ATP6V1C1: variants seen among roughly 807,000 people sequenced by gnomAD.
ATP6V1C1 encodes the protein ATPase H+ transporting V1 subunit C1.
A neutral mutation model predicts 53.9 loss-of-function variants in ATP6V1C1; 45 were observed. The observed-to-expected ratio is 0.83, with a 90% CI of 0.66 to 1.07. ATP6V1C1 has a LOEUF of 1.07. ATP6V1C1 is among the 50% of genes least tolerant of loss of function. The pLI is 0.00. For synonymous variants in ATP6V1C1, 153 were observed against 155.2 expected, an observed-to-expected ratio of 0.99 and a Z score of 0.11; for missense variants, 315 against 440.3, an observed-to-expected ratio of 0.72 and a Z score of 2.55.
chr8:103,042,871 T>G (rs1817026211), intron 3 of ATP6V1C1, among the ~76,000 whole-genome samples: 1 of 152,240 alleles, frequency 6.6e-6, no homozygotes, highest in African/African-American at 2.4e-5. Context: ...TGTGACTGTC[T>G]TCTTTTGCTT....
At chr8:103,044,163 C>T (rs1003953104) in intron 3 of ATP6V1C1, among the ~76,000 whole-genome samples, 3 of 152,200 alleles carry the variant, frequency 2.0e-5, no homozygotes, top group Admixed American at 6.5e-5. Flanking sequence ...GGATTACAGG[C>T]GTGAGCCACC....
At chr8:103,026,231 T>C (rs983530062) in intron 1 of ATP6V1C1, among the ~76,000 whole-genome samples, 6 of 152,256 alleles carry the variant, frequency 3.9e-5, no homozygotes, top group Non-Finnish European at 7.3e-5. Context: ...CATTGTATTA[T>C]GTATTACATC....
intron 10 of ATP6V1C1, among the ~76,000 whole-genome samples, chr8:103,063,696 G>A (rs754186722): frequency 5.3e-5 from 8 of 152,250 alleles, no homozygotes; most frequent in Admixed American, 2.0e-4. Flanking sequence ...AGCTATTGGA[G>A]AATTGGTGTG....
At chr8:103,039,007 A>C (rs530120502) in intron 1 of ATP6V1C1, among the ~76,000 whole-genome samples, 1 of 152,194 alleles carries the variant, frequency 6.6e-6, no homozygotes, top group Non-Finnish European at 1.5e-5. Flanking sequence ...GAGCTGATAA[A>C]GGTTTAACTT....
At chr8:103,029,661 T>A (rs1816760554) in intron 1 of ATP6V1C1, among the ~76,000 whole-genome samples, 1 of 152,240 alleles carries the variant, frequency 6.6e-6, no homozygotes, top group Admixed American at 6.5e-5. Context: ...GTAGTATATC[T>A]AAGATATATT....
At chr8:103,065,615 T>A (rs764608516) in intron 11 of ATP6V1C1, among the ~76,000 whole-genome samples, 5 of 152,106 alleles carry the variant, frequency 3.3e-5, no homozygotes, top group Non-Finnish European at 7.4e-5. Flanking sequence ...AAAACTTACA[T>A]GTAACCATGC....
chr8:103,067,585 T>A (rs976485482), intron 12 of ATP6V1C1, among the ~76,000 whole-genome samples: 1 of 150,942 alleles, frequency 6.6e-6, no homozygotes, highest in Non-Finnish European at 1.5e-5. Flanking sequence ...CTTGCTACAC[T>A]TTTTTTCTTT....
intron 8 of ATP6V1C1, among the ~76,000 whole-genome samples, chr8:103,062,161 GTTTTTTTTTTTTTTTTTTT>G (rs767825523): frequency 1.4e-5 from 1 of 70,744 alleles, no homozygotes; most frequent in African/African-American, 5.9e-5. Flanking sequence ...GTTCATCAGG[GTTTTTTTTTTTTTTTTTTT>G]TTTTTTTTTT....
At chr8:103,044,255 T>C (rs566298087) in intron 3 of ATP6V1C1, among the ~76,000 whole-genome samples, 2 of 152,368 alleles carry the variant, frequency 1.3e-5, no homozygotes, top group Admixed American at 1.3e-4. Flanking sequence ...AATTTATTTT[T>C]TTCTTTTGTT....
chr8:103,040,101 C>G (rs578117161), intron 1 of ATP6V1C1, among the ~76,000 whole-genome samples: 12 of 152,122 alleles, frequency 7.9e-5, no homozygotes, highest in African/African-American at 2.9e-4. Flanking sequence ...ATTCTTTCTC[C>G]AAGATAAAAG....
intron 12 of ATP6V1C1, among the ~76,000 whole-genome samples, chr8:103,067,385 A>C (rs1689990476): frequency 7.6e-6 from 1 of 131,866 alleles, no homozygotes; most frequent in Non-Finnish European, 1.6e-5. Flanking sequence ...TGACAGAGGG[A>C]GACTCCGTCC....
rs1271463857 is a variant in ATP6V1C1, at chr8:103,070,795, C to T, written c.*2048C>T. On this transcript the variant is annotated 3_prime_UTR_variant, in exon 13 of 13. Transcript: ENST00000518738. ...ATAGCAGAGTGGCTGAGCATGTGCT[C>T]TGAGGCCAGGCCCCAGCTCTGCTGC... is the stretch of plus-strand genomic sequence containing the variant. 1 of 152,210 alleles carries T rather than the reference C, an allele frequency of 6.6e-6. No homozygotes were observed. The highest frequency in any genetic ancestry group is 1.9e-4 in the East Asian group (1 of 5,192). 9.4% of individuals were successfully genotyped at this position (152,210 alleles called of 1,614,324 possible).
At chr8:103,023,749 G>A (rs1816640789) in intron 1 of ATP6V1C1, among the ~76,000 whole-genome samples, 1 of 152,202 alleles carries the variant, frequency 6.6e-6, no homozygotes, top group African/African-American at 2.4e-5. Context: ...AGAGAAACAC[G>A]TAAAGTGATT....
At chr8:103,030,910 A>G (rs1417607753) in intron 1 of ATP6V1C1, among the ~76,000 whole-genome samples, 2 of 152,326 alleles carry the variant, frequency 1.3e-5, no homozygotes, top group East Asian at 1.9e-4. Flanking sequence ...GGGACATTCA[A>G]TAGAATCCCC....
rs958196877 is a variant in ATP6V1C1 at position 103,053,741 on chromosome 8, T to A, written c.474-143T>A. 1.8e-5 allele frequency: 11 copies of A among 607,752 alleles called. No individual in the cohort carries two copies. In the African/African-American group the frequency reaches 2.0e-4, roughly 11 times the overall value. The allele number at this position is 607,752 out of a possible 1,614,324, so 37.6% of individuals were successfully genotyped here. A position where few individuals can be genotyped will look rare whatever the true frequency, so the allele number is the denominator to read the frequency against. ...AGGATATATTCAGCTAAATGGTGACTTCTTACAAAGTAAAAATGTTGACTA... is the reference window on the plus strand; with the variant it reads ...AGGATATATTCAGCTAAATGGTGACATCTTACAAAGTAAAAATGTTGACTA... On this transcript the variant is annotated intron_variant, in intron 6 of 12. Coordinates refer to ENST00000518738, the MANE Select transcript of ATP6V1C1 (RefSeq NM_001695.5).
chr8:103,023,136 G>A (rs934514923), intron 1 of ATP6V1C1, among the ~76,000 whole-genome samples: 1 of 152,174 alleles, frequency 6.6e-6, no homozygotes, highest in Non-Finnish European at 1.5e-5. Context: ...AAGCTTTTCA[G>A]CCTTTTTGAA....
intron 4 of ATP6V1C1, among the ~76,000 whole-genome samples, chr8:103,049,509 G>A (rs1239551476): frequency 6.6e-6 from 1 of 152,164 alleles, no homozygotes; most frequent in Non-Finnish European, 1.5e-5. Context: ...GCTCTATGTA[G>A]TAATGACTTT....
chr8:103,039,996 T>C (rs1357921123), intron 1 of ATP6V1C1, among the ~76,000 whole-genome samples: 1 of 152,166 alleles, frequency 6.6e-6, no homozygotes. Flanking sequence ...TGGATTAGAA[T>C]TAACCACCAA....
chr8:103,052,911 T>A, intron 6 of ATP6V1C1, 89 bp downstream of exon 6: 1 of 757,708 alleles, frequency 1.3e-6, no homozygotes, highest in South Asian at 2.5e-5. Context: ...TTAGTTAGTT[T>A]CAGTTTATGT....
Sources: allele counts gnomAD v4.1 joint callset (sites outside exome capture counted in the v4.1 genomes callset), GRCh38; gene constraint gnomAD v4.1.1; transcripts MANE v1.5; gene names NCBI Gene and HGNC (gene_info 2026-07-23, HGNC 2026-07-21).